Variants in SNTG2 observed in about 807,000 individuals in gnomAD.
SNTG2 encodes the protein gamma-2-syntrophin.
SNTG2 carries 74 observed loss-of-function variants against 70.9 expected under a neutral mutation model. The ratio of observed to expected loss-of-function variants is 1.04; its 90% CI spans 0.86 to 1.27. SNTG2 has a LOEUF of 1.27. Among genes scored for constraint, SNTG2 ranks in the 50% most tolerant of loss-of-function variants. SNTG2 has a pLI of 0.00. For missense variants in SNTG2, 717 were observed against 690.7 expected (o/e 1.04, Z -0.43); for synonymous variants, 278 against 273.8 (o/e 1.02, Z -0.15).
chr2:1,187,314 T>G (rs1672308036), intron 8 of SNTG2, among the ~76,000 whole-genome samples: 1 of 152,140 alleles, frequency 6.6e-6, no homozygotes, highest in Non-Finnish European at 1.5e-5. Flanking sequence ...TTAGATGAGA[T>G]TAACAGATCA....
intron 2 of SNTG2, among the ~76,000 whole-genome samples, chr2:1,095,079 G>C (rs1665300872): frequency 6.6e-6 from 1 of 152,024 alleles, no homozygotes; most frequent in Non-Finnish European, 1.5e-5. Context: ...AAGAGCAAGA[G>C]AGAAAAAAGA....
chr2:980,410 G>C (rs1661057875), intron 1 of SNTG2, among the ~76,000 whole-genome samples: 1 of 152,186 alleles, frequency 6.6e-6, no homozygotes, highest in Non-Finnish European at 1.5e-5. Context: ...GTGGAAGATA[G>C]TACTAGAAGG....
intron 1 of SNTG2, among the ~76,000 whole-genome samples, chr2:1,077,882 T>C (rs777515950): frequency 5.3e-5 from 8 of 152,190 alleles, no homozygotes; most frequent in South Asian, 4.1e-4. Context: ...TGTTTTTTTT[T>C]CTCCAGGGAT....
At chr2:1,074,245 CAG>C (rs1456477487) in intron 1 of SNTG2, among the ~76,000 whole-genome samples, 1 of 152,188 alleles carries the variant, frequency 6.6e-6, no homozygotes, top group African/African-American at 2.4e-5. Flanking sequence ...ATGCCCTGCT[CAG>C]GGGTAGGAAC....
intron 4 of SNTG2, among the ~76,000 whole-genome samples, chr2:1,114,013 C>G (rs1558414774): frequency 6.6e-6 from 1 of 151,632 alleles, no homozygotes; most frequent in Non-Finnish European, 1.5e-5. Context: ...TTAACTCTTA[C>G]AGTCCTTTGA....
At chr2:1,151,323 C>CTGCGATCCCATCTGTG (rs375083680) in intron 6 of SNTG2, among the ~76,000 whole-genome samples, 2 of 152,180 alleles carry the variant, frequency 1.3e-5, no homozygotes, top group Admixed American at 6.5e-5. Flanking sequence ...CGGGGGGTGT[C>CTGCGATCCCATCTGTG]CCACTCCTGT....
chr2:1,196,709 G>A (rs1356640749), intron 8 of SNTG2, among the ~76,000 whole-genome samples: 1 of 152,086 alleles, frequency 6.6e-6, no homozygotes, highest in Admixed American at 6.5e-5. Flanking sequence ...CAGGCTGGGA[G>A]AAAATGAGAT....
chr2:1,336,159 A>C (rs1166199703), intron 16 of SNTG2, among the ~76,000 whole-genome samples: 1 of 152,212 alleles, frequency 6.6e-6, no homozygotes, highest in African/African-American at 2.4e-5. Context: ...AGACACAATA[A>C]TACCTACCAG....
chr2:1,099,381 G>A (rs1665613763), intron 4 of SNTG2, among the ~76,000 whole-genome samples: 1 of 152,208 alleles, frequency 6.6e-6, no homozygotes, highest in African/African-American at 2.4e-5. Flanking sequence ...GTCCCTGGAG[G>A]GGACATGCTT....
intron 6 of SNTG2, among the ~76,000 whole-genome samples, 169 bp downstream of exon 6, chr2:1,137,978 C>G (rs1668505641): frequency 6.6e-6 from 1 of 152,184 alleles, no homozygotes; most frequent in African/African-American, 2.4e-5. Flanking sequence ...ATAAACTGCC[C>G]ACTGTCGACT....
rs563702398 is a variant in SNTG2, at chr2:1,294,191, G to A, written c.1285-14303G>A. 9.2e-5 allele frequency among the ~76,000 whole-genome samples: 14 copies of A among 152,208 alleles called. No individual in the cohort carries two copies. In the East Asian group the frequency reaches 2.1e-3, roughly 23 times the overall value. The stretch of plus-strand genomic sequence containing the variant: ...GAATGGTATGCTGAACAACTCCCAC[G>A]CATGGGGACACTGGGGACAGACCCC... On this transcript the variant is annotated intron_variant, in intron 14 of 16. Coordinates refer to ENST00000308624, the MANE Select transcript of SNTG2 (RefSeq NM_018968.4).
At chr2:986,163 A>G (rs1173571455) in intron 1 of SNTG2, among the ~76,000 whole-genome samples, 2 of 149,786 alleles carry the variant, frequency 1.3e-5, no homozygotes, top group African/African-American at 4.9e-5. Context: ...ACAGTCTTGC[A>G]TGGGGGGCTG....
intron 6 of SNTG2, among the ~76,000 whole-genome samples, chr2:1,155,473 G>A (rs767958093): frequency 6.2e-5 from 5 of 81,288 alleles, no homozygotes; most frequent in Non-Finnish European, 1.2e-4. Context: ...AGCATATTCC[G>A]TCTACCAGAG....
chr2:1,080,141 A>T (rs1664189823), intron 1 of SNTG2, among the ~76,000 whole-genome samples: 1 of 152,180 alleles, frequency 6.6e-6, no homozygotes, highest in African/African-American at 2.4e-5. Flanking sequence ...GGGACAAGCG[A>T]TGGCTTAGTG....
chr2:1,209,262 T>C (rs1351814220), intron 9 of SNTG2, 32 bp downstream of exon 9: 1 of 1,613,414 alleles, frequency 6.2e-7, no homozygotes, highest in East Asian at 2.2e-5. Flanking sequence ...TGGGAAACTT[T>C]GATGAACCCC....
At chr2:1,331,511 A>T (rs1291375886) in intron 16 of SNTG2, among the ~76,000 whole-genome samples, 1 of 152,168 alleles carries the variant, frequency 6.6e-6, no homozygotes, top group Admixed American at 6.5e-5. Flanking sequence ...CCTTGACTTT[A>T]TTCTTTCCTT....
In SNTG2 at chr2:1,196,729, A is replaced by C. The variant is rs1672932276; in HGVS notation, c.592-12374A>C. ...TGGGAGAAAATGAGATGATACATTC[A>C]AAGTACTAAAAGAAAAAAAACACTT... On this transcript the variant is annotated intron_variant, in intron 8 of 16. Transcript: ENST00000308624. 2.6e-5 allele frequency among the ~76,000 whole-genome samples: 4 copies of C among 152,158 alleles called. No individual in the cohort carries two copies. In the South Asian group the frequency reaches 8.3e-4, roughly 32 times the overall value.
At chr2:968,280 A>G (rs1572174528) in intron 1 of SNTG2, among the ~76,000 whole-genome samples, 2 of 151,684 alleles carry the variant, frequency 1.3e-5, no homozygotes, top group East Asian at 3.9e-4. Context: ...GTTGTTTGCA[A>G]TATTTCTTAT....
intron 6 of SNTG2, among the ~76,000 whole-genome samples, chr2:1,151,163 T>G (rs1465901387): frequency 1.6e-5 from 1 of 62,710 alleles, no homozygotes; most frequent in Non-Finnish European, 3.9e-5. Context: ...GCACAGTTAC[T>G]GTTCCTTCAA....
Sources: allele counts gnomAD v4.1 joint callset (sites outside exome capture counted in the v4.1 genomes callset), GRCh38; gene constraint gnomAD v4.1.1; transcripts MANE v1.5; gene names NCBI Gene and HGNC (gene_info 2026-07-23, HGNC 2026-07-21).